AGXT: variants seen among roughly 807,000 people sequenced by gnomAD.
The protein encoded by AGXT is L-alanine: glyoxylate aminotransferase 1.
A neutral mutation model predicts 46.9 loss-of-function variants in AGXT; 41 were observed. That is an observed-to-expected ratio of 0.88 (90% confidence interval 0.68 to 1.14). The LOEUF is 1.14. AGXT is among the 50% of genes most tolerant of loss of function. AGXT has a pLI of 0.00. For missense variants in AGXT, 525 were observed against 522.7 expected (o/e 1.00, Z -0.04); for synonymous variants, 244 against 227.9 (o/e 1.07, Z -0.64).
intron 5 of AGXT, 54 bp from the exon 6 acceptor site, chr2:240,873,924 C>T: frequency 6.6e-7 from 1 of 1,521,904 alleles, no homozygotes. Flanking sequence ...TCCCGCTGGA[C>T]TGGCCTGCCC....
At chr2:240,873,950 C>T in intron 5 of AGXT, 28 bp from the exon 6 acceptor site, 1 of 1,606,774 alleles carries the variant, frequency 6.2e-7, no homozygotes, top group African/African-American at 1.3e-5. Flanking sequence ...TGGGACTCAC[C>T]CGTCCCGAGC....
intron 7 of AGXT, among the ~76,000 whole-genome samples, chr2:240,875,595 C>A (rs191407777): frequency 2.6e-5 from 4 of 152,246 alleles, no homozygotes; most frequent in South Asian, 2.1e-4. Context: ...AGGAACAAGG[C>A]GCCAGGAATG....
intron 2 of AGXT, among the ~76,000 whole-genome samples, chr2:240,870,036 A>G (rs2058983271): frequency 6.6e-6 from 1 of 152,196 alleles, no homozygotes; most frequent in African/African-American, 2.4e-5. Flanking sequence ...CCAAGTGGAC[A>G]TCAGGGCACG....
In AGXT at chr2:240,879,697, A is replaced by C. The variant is rs1040098036; in HGVS notation, c.*876A>C. 4 of 152,310 alleles carry C rather than the reference A, an allele frequency of 2.6e-5. No homozygotes were observed. Among genetic ancestry groups the C allele is most frequent in the Admixed American group, 6.5e-5 (1 of 15,306 alleles). The allele number at this position is 152,310 out of a possible 1,614,324, so 9.4% of individuals were successfully genotyped here. The stretch of plus-strand genomic sequence containing the variant: ...GCTAATTTTTGTATTTTTAGTACAG[A>C]TGGGGTTTCACTATATTGGCCAGGC... On this transcript the variant is annotated 3_prime_UTR_variant, in exon 11 of 11. Coordinates refer to ENST00000307503, the MANE Select transcript of AGXT (RefSeq NM_000030.3).
chr2:240,878,798 C>T lies in AGXT; in HGVS notation c.1156C>T (p.His386Tyr). Residue 386 changes from histidine (H) to tyrosine (Y), a missense_variant, in exon 11 of 11, where the codon CAC (histidine) becomes TAC (tyrosine). By Grantham distance (83) the His-to-Tyr change is moderately conservative (BLOSUM62 2). Coordinates refer to ENST00000307503, the MANE Select transcript of AGXT (RefSeq NM_000030.3). ...VTEALRAALQHCPKKKL is the reference protein window; with the variant it reads ...VTEALRAALQYCPKKKL ...GGAGGCCCTGAGGGCGGCCCTGCAG[C>T]ACTGCCCCAAGAAGAAGCTGTGACC... The T allele has an allele frequency of 6.3e-7, 1 of 1,594,330 alleles. No individual in the cohort carries two copies. Among genetic ancestry groups the T allele is most frequent in the South Asian group, 1.1e-5 (1 of 87,512 alleles).
chr2:240,872,983 A>G lies in AGXT; in HGVS notation c.529A>G (p.Lys177Glu). Residue 177 changes from lysine to glutamate, a missense_variant, in exon 5 of 11, where the codon AAG (lysine) becomes GAG (glutamate). Lys to Glu is a moderately conservative substitution (Grantham distance 56). Coordinates refer to ENST00000307503, the MANE Select transcript of AGXT (RefSeq NM_000030.3). ...TTCTGTCCCCCACCTCTCCAGGTACAAGTGCCTGCTCCTGGTGGATTCGGT... is the reference window on the plus strand; with the variant it reads ...TTCTGTCCCCCACCTCTCCAGGTACGAGTGCCTGCTCCTGGTGGATTCGGT... Reference protein sequence around the residue: ...DGFGELCHRYKCLLLVDSVAS... With the variant: ...DGFGELCHRYECLLLVDSVAS... 6.2e-7 allele frequency: 1 copy of G among 1,613,862 alleles called. No individual in the cohort carries two copies.
intron 6 of AGXT, among the ~76,000 whole-genome samples, chr2:240,874,372 G>A (rs1159445386): frequency 1.3e-5 from 2 of 152,242 alleles, no homozygotes; most frequent in African/African-American, 4.8e-5. Context: ...ACCGGCCTCT[G>A]CCCTGGCTCA....
Position 240,874,041 on chromosome 2 carries a change from TCTC to T in AGXT, c.662_664del (p.Ser221del), listed in dbSNP as rs796052071. On this transcript the variant is annotated inframe_deletion, in exon 6 of 11. Transcript: ENST00000307503. ...AACGCCCCTCCAGGGACCTCGCTCA[TCTC>T]CTTCAGTGACAAGGCCAAGTGAGTG... 6 of 1,613,442 alleles carry T rather than the reference TCTC, an allele frequency of 3.7e-6. No individual in the cohort carries two copies. The highest frequency in any genetic ancestry group is 4.5e-5 in the East Asian group (2 of 44,874).
chr2:240,872,870 G>A, intron 4 of AGXT, 109 bp from the exon 5 acceptor site: 1 of 968,972 alleles, frequency 1.0e-6, no homozygotes, highest in South Asian at 1.3e-5. Context: ...GAGGTGCCCT[G>A]CCTTCCTTGC....
intron 1 of AGXT, 24 bp downstream of exon 1, chr2:240,869,054 G>A: frequency 6.2e-7 from 1 of 1,611,268 alleles, no homozygotes; most frequent in Admixed American, 1.7e-5. Context: ...TCACTCGGGG[G>A]GCCTGGGTCT....
intron 7 of AGXT, 120 bp downstream of exon 7, chr2:240,875,324 C>T (rs2059018358): frequency 1.2e-6 from 1 of 828,874 alleles, no homozygotes; most frequent in South Asian, 1.6e-5. Flanking sequence ...TCAAGAACCC[C>T]AACTAGAGCC....
chr2:240,871,449 G>T lies in AGXT; in HGVS notation c.524G>T (p.Arg175Met). 1 of 1,580,848 alleles carries T rather than the reference G, an allele frequency of 6.3e-7. No individual in the cohort carries two copies. Among genetic ancestry groups the T allele is most frequent in the Non-Finnish European group, 8.6e-7 (1 of 1,163,716 alleles). Residue 175 changes from arginine to methionine, a missense_variant and splice_region_variant, in exon 4 of 11, where the codon AGG (arginine) becomes ATG (methionine). Physicochemically the swap from Arg to Met is moderately conservative, Grantham distance 91. Transcript: ENST00000307503. Reference sequence around the variant, plus strand: ...GATGGCTTCGGGGAACTCTGCCACAGGTGAGCCTGGCCCCAGGGCGGTGGA... The same window carrying T: ...GATGGCTTCGGGGAACTCTGCCACATGTGAGCCTGGCCCCAGGGCGGTGGA... The part of the protein sequence containing the change: ...PLDGFGELCH[R>M]YKCLLLVDSV...
rs372529853 is a variant in AGXT, at chr2:240,878,024, G to C, written c.945G>C (p.Ala315=). Residue 315 remains alanine (A), a splice_region_variant and synonymous_variant, in exon 10 of 11, where the codon GCG becomes GCC. Coordinates refer to ENST00000307503, the MANE Select transcript of AGXT (RefSeq NM_000030.3). ...ACTGAGCCAGGCCCCTCCTGCAGGCGCTCCGGCTTCCCACAGTCACCACTG... is the reference window on the plus strand; with the variant it reads ...ACTGAGCCAGGCCCCTCCTGCAGGCCCTCCGGCTTCCCACAGTCACCACTG... ...LGLQLFVKDP[A]LRLPTVTTVA... is the part of the protein sequence containing the mutation. The C allele has an allele frequency of 5.0e-6, 8 of 1,611,212 alleles. No homozygotes were observed. The African/African-American group carries it at 9.3e-5, about 19-fold the overall frequency.
chr2:240,878,840 G>GCTGGCACTGGCACACAC lies in AGXT; in HGVS notation c.*23_*39dup. 2 of 1,564,408 alleles carry GCTGGCACTGGCACACAC rather than the reference G, an allele frequency of 1.3e-6. No individual in the cohort carries two copies. The highest frequency in any genetic ancestry group is 1.7e-6 in the Non-Finnish European group (2 of 1,156,000). ...GCTGTGACCTGCCCACTGGCACACA[G>GCTGGCACTGGCACACAC]CTGGCACTGGCACACACCTGTCCCA... On this transcript the variant is annotated 3_prime_UTR_variant, in exon 11 of 11. Coordinates refer to ENST00000307503, the MANE Select transcript of AGXT (RefSeq NM_000030.3).
At position 240,877,565 on chromosome 2, in the gene AGXT, G is replaced by C; in HGVS notation, c.875G>C (p.Arg292Pro). 1 of 1,550,396 alleles carries C rather than the reference G, an allele frequency of 6.4e-7. No individual in the cohort carries two copies. The highest frequency in any genetic ancestry group is 1.2e-5 in the South Asian group (1 of 84,020). ...QGLENSWRQH[R>P]EAAAYLHGRL... Reference sequence around the variant, plus strand: ...CTGGAGAACAGCTGGCGCCAGCACCGCGAGGCCGCGGCGTATCTGCATGGG... The same window carrying C: ...CTGGAGAACAGCTGGCGCCAGCACCCCGAGGCCGCGGCGTATCTGCATGGG... The change falls in exon 9 of 11, where the codon CGC becomes CCC. Residue 292 changes from arginine (R) to proline (P), a missense_variant. Transcript: ENST00000307503.
In AGXT at chr2:240,869,288, A is replaced by T. The variant is rs769092237; in HGVS notation, c.284A>T (p.Glu95Val). 24 of 1,613,234 alleles carry T rather than the reference A, an allele frequency of 1.5e-5. No individual in the cohort carries two copies. In the African/African-American group the frequency reaches 3.2e-4, roughly 22 times the overall value. The change falls in exon 2 of 11, where the codon GAG becomes GTG. Residue 95 changes from glutamate (E) to valine (V), a missense_variant. Physicochemically the swap from Glu to Val is moderately radical, Grantham distance 121. Coordinates refer to ENST00000307503, the MANE Select transcript of AGXT (RefSeq NM_000030.3). ...GAGGCCGCCCTGGTCAATGTGCTGG[A>T]GCCTGGGGACTCCTTCCTGGTTGGG... ...ALEAALVNVL[E>V]PGDSFLVGAN...
intron 5 of AGXT, 103 bp from the exon 6 acceptor site, chr2:240,873,875 G>A (rs186402051): frequency 1.9e-6 from 2 of 1,040,754 alleles, no homozygotes; most frequent in East Asian, 4.7e-5. Flanking sequence ...CGGATTCGTG[G>A]TAGGGTCGTA....
chr2:240,869,174 T>C lies in AGXT; in HGVS notation c.170T>C (p.Met57Thr). 3 of 1,462,426 alleles carry C rather than the reference T, an allele frequency of 2.1e-6. No homozygotes were observed. Among genetic ancestry groups the C allele is most frequent in the Non-Finnish European group, 2.8e-6 (3 of 1,081,166 alleles). 90.6% of individuals were successfully genotyped at this position (1,462,426 alleles called of 1,614,324 possible). ...GSMSKDMYQI[M>T]DEIKEGIQYV... ...CCCTATACCACCCGCATGCAGATCA[T>C]GGACGAGATCAAGGAAGGCATCCAG... Residue 57 changes from methionine (M) to threonine (T), a missense_variant, in exon 2 of 11, where the codon ATG becomes ACG. Met to Thr is a moderately conservative substitution (Grantham distance 81). Coordinates refer to ENST00000307503, the MANE Select transcript of AGXT (RefSeq NM_000030.3).
In AGXT at chr2:240,871,445, C is replaced by A. The variant is rs746656296; in HGVS notation, c.520C>A (p.His174Asn). The part of the protein sequence containing the change: ...QPLDGFGELC[H>N]RYKCLLLVDS... Reference sequence around the variant, plus strand: ...CCTTGATGGCTTCGGGGAACTCTGCCACAGGTGAGCCTGGCCCCAGGGCGG... The same window carrying A: ...CCTTGATGGCTTCGGGGAACTCTGCAACAGGTGAGCCTGGCCCCAGGGCGG... The change falls in exon 4 of 11, where the codon CAC becomes AAC. Residue 174 changes from histidine to asparagine, a missense_variant. Physicochemically the swap from His to Asn is moderately conservative, Grantham distance 68. Transcript: ENST00000307503. 2 of 1,584,758 alleles carry A rather than the reference C, an allele frequency of 1.3e-6. No individual in the cohort carries two copies. The highest frequency in any genetic ancestry group is 2.3e-5 in the South Asian group (2 of 86,588).
Sources: allele counts gnomAD v4.1 joint callset (sites outside exome capture counted in the v4.1 genomes callset), GRCh38; gene constraint gnomAD v4.1.1; transcripts MANE v1.5; gene names NCBI Gene and HGNC (gene_info 2026-07-23, HGNC 2026-07-21).